The following HSPB8 variants were observed in gnomAD, a reference collection of about 807,000 sequenced individuals.
The protein encoded by HSPB8 is heat shock protein family B (small) member 8, also known as heat shock protein beta-8.
In HSPB8, 9 loss-of-function variants were observed where a neutral mutation model predicts 16.5. The ratio of observed to expected loss-of-function variants is 0.55; its 90% CI spans 0.33 to 0.95. The LOEUF is 0.95. HSPB8 is among the 40% of genes least tolerant of loss of function. The pLI is 0.03. For missense variants in HSPB8, 238 were observed against 251.2 expected, an observed-to-expected ratio of 0.95 and a Z score of 0.35; for synonymous variants, 99 against 94.8, an observed-to-expected ratio of 1.04 and a Z score of -0.26.
chr12:119,179,140 C>A lies in HSPB8; in HGVS notation c.-173C>A, dbSNP rs1565926855. ...TACCTTTGGGGGCTGGGACCCCAGT[C>A]GAGGGGACACAACCGTCCCTGGCAG... On this transcript the variant is annotated 5_prime_UTR_variant, in exon 1 of 3. Transcript: ENST00000281938. 1 of 709,776 alleles carries A rather than the reference C, an allele frequency of 1.4e-6. No homozygotes were observed. The highest frequency in any genetic ancestry group is 2.5e-6 in the Non-Finnish European group (1 of 403,420). 44.0% of individuals were successfully genotyped at this position (709,776 alleles called of 1,614,324 possible). A position where few individuals can be genotyped will look rare whatever the true frequency, so the allele number is the denominator to read the frequency against.
chr12:119,186,908 G>A, intron 1 of HSPB8, 117 bp from the exon 2 acceptor site: 1 of 913,420 alleles, frequency 1.1e-6, no homozygotes, highest in Non-Finnish European at 1.8e-6. Flanking sequence ...AGTCTCTAGG[G>A]TAGGCCTAAG....
chr12:119,181,333 C>T (rs755662608), intron 1 of HSPB8, among the ~76,000 whole-genome samples: 5 of 152,140 alleles, frequency 3.3e-5, no homozygotes, highest in Non-Finnish European at 5.9e-5. Context: ...TACATTGGTT[C>T]GATCTAGAAA....
chr12:119,188,881 G>T (rs1410476394), intron 2 of HSPB8, among the ~76,000 whole-genome samples: 1 of 152,172 alleles, frequency 6.6e-6, no homozygotes, highest in African/African-American at 2.4e-5. Flanking sequence ...TATTGTTATT[G>T]TTGACTCTTA....
intron 1 of HSPB8, among the ~76,000 whole-genome samples, chr12:119,181,679 GAAT>G (rs1360144226): frequency 6.6e-6 from 1 of 152,098 alleles, no homozygotes; most frequent in African/African-American, 2.4e-5. Context: ...AATAAATAAT[GAAT>G]AATAGATGCT....
At chr12:119,190,254 A>G (rs774684829) in intron 2 of HSPB8, among the ~76,000 whole-genome samples, 3 of 152,150 alleles carry the variant, frequency 2.0e-5, no homozygotes, top group African/African-American at 4.8e-5. Flanking sequence ...GACACCTAGG[A>G]GTCGAACTGG....
chr12:119,186,827 A>G (rs1954679041), intron 1 of HSPB8, 198 bp from the exon 2 acceptor site: 1 of 612,946 alleles, frequency 1.6e-6, no homozygotes, highest in African/African-American at 1.8e-5. Context: ...TTTCACCTTC[A>G]TAGCCAGCCT....
At chr12:119,189,471 C>A (rs1350872016) in intron 2 of HSPB8, among the ~76,000 whole-genome samples, 1 of 152,006 alleles carries the variant, frequency 6.6e-6, no homozygotes, top group Non-Finnish European at 1.5e-5. Context: ...TCAGTGGTCC[C>A]CAACCTTTTT....
chr12:119,193,179 C>CT (rs1954723042), intron 2 of HSPB8, among the ~76,000 whole-genome samples: 2 of 152,190 alleles, frequency 1.3e-5, no homozygotes, highest in African/African-American at 4.8e-5. Flanking sequence ...ACCAAGGTAC[C>CT]TAGTGCTTGC....
intron 2 of HSPB8, 122 bp from the exon 3 acceptor site, chr12:119,193,577 A>T: frequency 9.4e-7 from 1 of 1,065,332 alleles, no homozygotes; most frequent in Admixed American, 2.0e-5. Context: ...CAGGATTCAA[A>T]CCCAACATTG....
chr12:119,191,178 G>T (rs1266202321), intron 2 of HSPB8, among the ~76,000 whole-genome samples: 1 of 152,124 alleles, frequency 6.6e-6, no homozygotes, highest in Non-Finnish European at 1.5e-5. Flanking sequence ...CTAAGAGGTG[G>T]GTACTATTAT....
At chr12:119,193,672 A>G in intron 2 of HSPB8, 27 bp from the exon 3 acceptor site, 1 of 1,611,994 alleles carries the variant, frequency 6.2e-7, no homozygotes, top group Non-Finnish European at 8.5e-7. Flanking sequence ...ACAACAATAA[A>G]TGAATAAAAT....
intron 2 of HSPB8, among the ~76,000 whole-genome samples, chr12:119,189,599 G>A (rs572384688): frequency 1.3e-5 from 2 of 152,126 alleles, no homozygotes; most frequent in East Asian, 1.9e-4. Flanking sequence ...TAGATCCCTC[G>A]CATGCACAGT....
At chr12:119,191,950 G>A (rs559886067) in intron 2 of HSPB8, among the ~76,000 whole-genome samples, 36 of 152,232 alleles carry the variant, frequency 2.4e-4, no homozygotes, top group Admixed American at 8.5e-4. Flanking sequence ...GGATAGCAAT[G>A]GAATCTGCCT....
intron 1 of HSPB8, 25 bp from the exon 2 acceptor site, chr12:119,187,000 C>G: frequency 6.2e-7 from 1 of 1,611,898 alleles, no homozygotes; most frequent in Non-Finnish European, 8.5e-7. Flanking sequence ...TAGATGCTGA[C>G]ACGCCACACT....
intron 1 of HSPB8, among the ~76,000 whole-genome samples, chr12:119,181,093 GGA>G (rs1203427558): frequency 6.6e-6 from 1 of 152,184 alleles, no homozygotes; most frequent in Admixed American, 6.5e-5. Context: ...TATACCATAA[GGA>G]TTGTTGTTTT....
At chr12:119,184,405 G>A (rs1303703061) in intron 1 of HSPB8, among the ~76,000 whole-genome samples, 1 of 152,162 alleles carries the variant, frequency 6.6e-6, no homozygotes, top group Non-Finnish European at 1.5e-5. Context: ...CAGCATGCAG[G>A]AGGATTCTAG....
rs1133026 is a variant in HSPB8 at position 119,194,542 on chromosome 12, G to A, written c.*684G>A. 0.18 allele frequency: 28,062 copies of A among 158,592 alleles called. 3,001 individuals carry two copies. Among genetic ancestry groups the A allele is most frequent in the Middle Eastern group, 0.24 (75 of 316 alleles). The allele number at this position is 158,592 out of a possible 1,614,324, so 9.8% of individuals were successfully genotyped here. A position where few individuals can be genotyped will look rare whatever the true frequency, so the allele number is the denominator to read the frequency against. On this transcript the variant is annotated 3_prime_UTR_variant, in exon 3 of 3. Coordinates refer to ENST00000281938, the MANE Select transcript of HSPB8 (RefSeq NM_014365.3). ...TTCTTCTGTCCCCTGTGTTTAAGTC[G>A]GGATTTTTACAGAGGGAGCTGTCTC...
chr12:119,186,077 T>A (rs960246386), intron 1 of HSPB8, among the ~76,000 whole-genome samples: 2 of 152,086 alleles, frequency 1.3e-5, no homozygotes, highest in Admixed American at 6.6e-5. Context: ...ACTCTCTCTA[T>A]TAAAGAAAAA....
chr12:119,192,100 T>G (rs1474474364), intron 2 of HSPB8, among the ~76,000 whole-genome samples: 1 of 152,188 alleles, frequency 6.6e-6, no homozygotes, highest in African/African-American at 2.4e-5. Flanking sequence ...CCTCACAGTT[T>G]TAATAGTTTG....
Sources: allele counts gnomAD v4.1 joint callset (sites outside exome capture counted in the v4.1 genomes callset), GRCh38; gene constraint gnomAD v4.1.1; transcripts MANE v1.5; gene names NCBI Gene and HGNC (gene_info 2026-07-23, HGNC 2026-07-21).